STK32B: variants seen among roughly 807,000 people sequenced by gnomAD.
STK32B encodes serine/threonine kinase 32B.
Under a neutral mutation model 52.6 loss-of-function variants are expected in STK32B, and 43 were observed. That is an observed-to-expected ratio of 0.82 (90% CI 0.64 to 1.05). The LOEUF (loss-of-function observed/expected upper bound fraction) is 1.05. STK32B is among the 50% of genes least tolerant of loss of function. The pLI, the probability that STK32B is intolerant of heterozygous loss-of-function variation, is 0.00. For synonymous variants in STK32B, 238 were observed against 204.3 expected (o/e 1.17, Z -1.41); for missense variants, 621 against 534.6 (o/e 1.16, Z -1.59).
the STK32B span, among the ~76,000 whole-genome samples, chr4:5,039,062 C>T: frequency 6.7e-6 from 1 of 149,518 alleles, no homozygotes; most frequent in Non-Finnish European, 1.5e-5. Context: ...TCATAGCCCA[C>T]AGCAGTCTCC....
At chr4:5,043,061 GCGCCACTGCAGTCCGCAGTC>G in the STK32B span, among the ~76,000 whole-genome samples, 1 of 144,370 alleles carries the variant, frequency 6.9e-6, no homozygotes, top group South Asian at 2.2e-4. Context: ...AGCCGAGATT[GCGCCACTGCAGTCCGCAGTC>G]CGGCCTGGGC....
chr4:5,062,754 C>T (rs1305039124), intron 1 of STK32B, among the ~76,000 whole-genome samples: 5 of 151,952 alleles, frequency 3.3e-5, no homozygotes, highest in Non-Finnish European at 7.4e-5. Context: ...GTGATCCGCC[C>T]GCCTCAGCCT....
In STK32B at chr4:5,054,729, G is replaced by A. The variant is rs114996604; in HGVS notation, c.52+2814G>A. Among the ~76,000 whole-genome samples, 749 of 152,310 alleles carry A rather than the reference G, an allele frequency of 4.9e-3. 5 individuals are homozygous for A. Among genetic ancestry groups the A allele is most frequent in the African/African-American group, 0.016 (676 of 41,560 alleles). The stretch of plus-strand genomic sequence containing the variant: ...AGCTCTCCCAAACCATAGTCATTGC[G>A]TGGTTGAAGGTTGAAGATGCAAACA... On this transcript the variant is annotated intron_variant, in intron 1 of 11. Transcript: ENST00000282908.
At chr4:5,322,818 T>C (rs1731604687) in intron 3 of STK32B, among the ~76,000 whole-genome samples, 1 of 152,126 alleles carries the variant, frequency 6.6e-6, no homozygotes, top group Non-Finnish European at 1.5e-5. Context: ...AACCAAGCTT[T>C]TCCAACTCCA....
chr4:5,046,498 A>G (rs1204075270), upstream of STK32B, among the ~76,000 whole-genome samples: 1 of 152,240 alleles, frequency 6.6e-6, no homozygotes, highest in Non-Finnish European at 1.5e-5. Flanking sequence ...ATTGCAACAA[A>G]AGCCAAAATT....
chr4:5,425,078 A>C (rs1712971837), intron 6 of STK32B, among the ~76,000 whole-genome samples: 1 of 152,218 alleles, frequency 6.6e-6, no homozygotes, highest in Non-Finnish European at 1.5e-5. Flanking sequence ...CAGGATGCCT[A>C]GCTGTGTGCA....
chr4:5,385,677 G>C (rs779920797), intron 4 of STK32B, among the ~76,000 whole-genome samples: 8 of 152,064 alleles, frequency 5.3e-5, no homozygotes, highest in Non-Finnish European at 8.8e-5. Flanking sequence ...TCTCCAGGTC[G>C]TTTGTTGCAC....
intron 3 of STK32B, among the ~76,000 whole-genome samples, chr4:5,326,633 A>G (rs1731894157): frequency 6.6e-6 from 1 of 152,194 alleles, no homozygotes; most frequent in Non-Finnish European, 1.5e-5. Context: ...AAAAGTGTAC[A>G]TACTTTCATC....
intron 1 of STK32B, among the ~76,000 whole-genome samples, chr4:5,108,494 G>A (rs1714228897): frequency 6.6e-6 from 1 of 151,988 alleles, no homozygotes; most frequent in African/African-American, 2.4e-5. Flanking sequence ...AAACACGTTG[G>A]GAAATATTCC....
At chr4:5,426,255 A>G (rs1160230919) in intron 6 of STK32B, among the ~76,000 whole-genome samples, 2 of 152,160 alleles carry the variant, frequency 1.3e-5, no homozygotes, top group African/African-American at 4.8e-5. Flanking sequence ...GTATCGTCCC[A>G]TCGTTGAGGT....
chr4:5,341,485 C>T (rs1191017765), intron 4 of STK32B, among the ~76,000 whole-genome samples: 1 of 152,184 alleles, frequency 6.6e-6, no homozygotes, highest in Non-Finnish European at 1.5e-5. Flanking sequence ...CACTTTATTC[C>T]TCATCACATA....
At chr4:5,244,512 C>G (rs1478779020) in intron 3 of STK32B, among the ~76,000 whole-genome samples, 1 of 149,810 alleles carries the variant, frequency 6.7e-6, no homozygotes, top group Non-Finnish European at 1.5e-5. Flanking sequence ...TTTTGTTGAT[C>G]TTTTGAAAAA....
intron 11 of STK32B, among the ~76,000 whole-genome samples, chr4:5,471,246 T>C (rs1452204238): frequency 6.6e-6 from 1 of 152,174 alleles, no homozygotes; most frequent in Non-Finnish European, 1.5e-5. Flanking sequence ...CTTCAGAATG[T>C]GACCTTATTT....
intron 3 of STK32B, among the ~76,000 whole-genome samples, chr4:5,210,037 T>G (rs1722812949): frequency 1.3e-5 from 2 of 152,194 alleles, no homozygotes; most frequent in South Asian, 4.1e-4. Context: ...CTGGAAGGCT[T>G]AAATTGTGCG....
the STK32B span, among the ~76,000 whole-genome samples, chr4:5,033,005 G>C: frequency 6.6e-6 from 1 of 152,170 alleles, no homozygotes; most frequent in Non-Finnish European, 1.5e-5. Context: ...GGCTGAGAGA[G>C]GATTAAATGG....
intron 3 of STK32B, among the ~76,000 whole-genome samples, chr4:5,172,234 T>G (rs369623249): frequency 1.3e-5 from 2 of 152,158 alleles, no homozygotes; most frequent in Non-Finnish European, 2.9e-5. Context: ...TTTCTAGATA[T>G]ACAATCATGT....
chr4:5,174,025 T>TTCG (rs923965361), intron 3 of STK32B, among the ~76,000 whole-genome samples: 66 of 152,356 alleles, frequency 4.3e-4, no homozygotes, highest in African/African-American at 1.3e-3. Context: ...TAGTTAGTTC[T>TTCG]TGTTGAATTG....
chr4:5,255,780 G>T (rs1726252625), intron 3 of STK32B, among the ~76,000 whole-genome samples: 1 of 151,972 alleles, frequency 6.6e-6, no homozygotes, highest in South Asian at 2.1e-4. Context: ...TTTCATTATT[G>T]CCTACTCTTC....
intron 5 of STK32B, among the ~76,000 whole-genome samples, chr4:5,408,603 T>C (rs142323803): frequency 2.0e-5 from 3 of 152,232 alleles, no homozygotes; most frequent in East Asian, 1.9e-4. Context: ...CTCGTGGAAA[T>C]TGAAAGTGAA....
Sources: gnomAD v4.1 joint callset for allele counts (sites outside exome capture counted in the v4.1 genomes callset) on GRCh38, gnomAD v4.1.1 for gene constraint, MANE v1.5 for transcripts, NCBI Gene and HGNC (gene_info 2026-07-23, HGNC 2026-07-21) for gene names.